Variants in GPR39 observed in about 807,000 individuals in gnomAD.
GPR39 encodes G protein-coupled receptor 39, also known as zinc sensing receptor.
GPR39 carries 23 observed loss-of-function variants against 18.4 expected under a neutral mutation model. That is an observed-to-expected ratio of 1.25 (90% confidence interval 0.90 to 1.77). GPR39 has a LOEUF of 1.77. Among genes scored for constraint, GPR39 ranks in the 40% most tolerant of loss-of-function variants. The pLI is 0.00. For synonymous variants in GPR39, 280 were observed against 257.9 expected (o/e 1.09, Z -0.82); for missense variants, 647 against 602.4 (o/e 1.07, Z -0.78).
intron 1 of GPR39, among the ~76,000 whole-genome samples, chr2:132,441,946 G>T (rs1219905837): frequency 1.3e-5 from 2 of 152,144 alleles, no homozygotes; most frequent in African/African-American, 4.8e-5. Context: ...AGTTCCTATG[G>T]TGTGTGTTCC....
intron 1 of GPR39, among the ~76,000 whole-genome samples, chr2:132,598,086 C>A (rs1326890124): frequency 1.3e-5 from 2 of 152,218 alleles, no homozygotes. Context: ...GCTGGCTTCT[C>A]AAAGCAAGGG....
At chr2:132,501,054 GTTTTTTT>G in intron 1 of GPR39, among the ~76,000 whole-genome samples, 1 of 90,296 alleles carries the variant, frequency 1.1e-5, no homozygotes, top group African/African-American at 4.1e-5. Flanking sequence ...TATCTTTTGT[GTTTTTTT>G]TTTTTTTTTT....
At chr2:132,624,470 TA>T (rs1314901377) in intron 1 of GPR39, among the ~76,000 whole-genome samples, 2 of 152,374 alleles carry the variant, frequency 1.3e-5, no homozygotes, top group East Asian at 1.9e-4. Context: ...TTGAACTTTT[TA>T]TTAAAGTTTA....
At chr2:132,458,192 G>A (rs1178947923) in intron 1 of GPR39, among the ~76,000 whole-genome samples, 1 of 152,178 alleles carries the variant, frequency 6.6e-6, no homozygotes, top group African/African-American at 2.4e-5. Context: ...TGGAAGTGCA[G>A]AAATCACCTG....
intron 1 of GPR39, among the ~76,000 whole-genome samples, chr2:132,591,253 G>A (rs1251340317): frequency 9.9e-5 from 9 of 90,628 alleles, no homozygotes; most frequent in Admixed American, 1.6e-4. Context: ...GCGAGACTCC[G>A]TCTCAAAAAA....
At position 132,584,436 on chromosome 2, in the gene GPR39, T is replaced by C. The variant is rs1010790162; in HGVS notation, c.857-60665T>C. On this transcript the variant is annotated intron_variant, in intron 1 of 1. Transcript: ENST00000329321. ...ATATTCAGAACAAAGAGGAAGCTTC[T>C]GAAGCCAGAAATGGTACAGTCACTC... 2.0e-5 allele frequency among the ~76,000 whole-genome samples: 3 copies of C among 152,126 alleles called. No homozygotes were observed. The East Asian group carries it at 5.8e-4, about 29-fold the overall frequency.
At chr2:132,516,378 T>C (rs1181594278) in intron 1 of GPR39, among the ~76,000 whole-genome samples, 2 of 152,112 alleles carry the variant, frequency 1.3e-5, no homozygotes, top group East Asian at 1.9e-4. Flanking sequence ...GTCCACAATA[T>C]GGAATATGCA....
At chr2:132,551,137 TCAAC>T (rs1680035515) in intron 1 of GPR39, among the ~76,000 whole-genome samples, 3 of 152,222 alleles carry the variant, frequency 2.0e-5, no homozygotes, top group Non-Finnish European at 4.4e-5. Flanking sequence ...GTTCAGCAGC[TCAAC>T]GATGTTAGAG....
At chr2:132,474,544 C>G (rs866111238) in intron 1 of GPR39, among the ~76,000 whole-genome samples, 6 of 152,212 alleles carry the variant, frequency 3.9e-5, no homozygotes, top group African/African-American at 1.4e-4. Context: ...TTCAGCTCAC[C>G]AGCTTGTGCA....
At chr2:132,486,020 T>C (rs1220865662) in intron 1 of GPR39, among the ~76,000 whole-genome samples, 2 of 152,236 alleles carry the variant, frequency 1.3e-5, no homozygotes, top group African/African-American at 4.8e-5. Flanking sequence ...TACTCTTTGA[T>C]CCATGGGCTG....
At chr2:132,612,283 T>C (rs1363243168) in intron 1 of GPR39, among the ~76,000 whole-genome samples, 1 of 152,188 alleles carries the variant, frequency 6.6e-6, no homozygotes, top group Non-Finnish European at 1.5e-5. Flanking sequence ...GTTTCTGCTC[T>C]TTTGACACCC....
At chr2:132,620,988 A>G (rs967580353) in intron 1 of GPR39, among the ~76,000 whole-genome samples, 2 of 152,116 alleles carry the variant, frequency 1.3e-5, no homozygotes, top group African/African-American at 4.8e-5. Flanking sequence ...ACCTGACCTC[A>G]TAATCCACCC....
intron 1 of GPR39, among the ~76,000 whole-genome samples, chr2:132,426,423 G>C (rs6721950): frequency 7.2e-5 from 11 of 152,102 alleles, no homozygotes; most frequent in Middle Eastern, 3.4e-3. Flanking sequence ...GCTCTATTTC[G>C]TCATAGCCTG....
chr2:132,530,776 T>A (rs1329819240), intron 1 of GPR39, among the ~76,000 whole-genome samples: 1 of 152,094 alleles, frequency 6.6e-6, no homozygotes, highest in Non-Finnish European at 1.5e-5. Context: ...GAAGGAGAAA[T>A]AAAATCCTTT....
intron 1 of GPR39, among the ~76,000 whole-genome samples, chr2:132,432,441 A>C (rs1680240434): frequency 6.6e-6 from 1 of 152,190 alleles, no homozygotes; most frequent in Non-Finnish European, 1.5e-5. Context: ...GGACACAAAA[A>C]TTCAGACCAT....
chr2:132,526,140 A>G (rs868766319), intron 1 of GPR39, among the ~76,000 whole-genome samples: 2 of 152,168 alleles, frequency 1.3e-5, no homozygotes, highest in South Asian at 2.1e-4. Context: ...CTGAGTGTGA[A>G]AATCCATGCC....
At chr2:132,429,225 G>A (rs548634232) in intron 1 of GPR39, among the ~76,000 whole-genome samples, 1 of 152,316 alleles carries the variant, frequency 6.6e-6, no homozygotes, top group African/African-American at 2.4e-5. Flanking sequence ...GGCATGTTTT[G>A]CAGTCCACGT....
chr2:132,428,956 G>A (rs1370115163), intron 1 of GPR39, among the ~76,000 whole-genome samples: 1 of 152,214 alleles, frequency 6.6e-6, no homozygotes, highest in Non-Finnish European at 1.5e-5. Flanking sequence ...CCTTTCTCAT[G>A]TTGTGTCAAA....
intron 1 of GPR39, among the ~76,000 whole-genome samples, chr2:132,619,010 A>G (rs1454723067): frequency 3.9e-5 from 6 of 152,130 alleles, no homozygotes; most frequent in Non-Finnish European, 7.4e-5. Context: ...CCGAGGACGG[A>G]CCCAGTAGCA....
Sources: gnomAD v4.1 joint callset for allele counts (sites outside exome capture counted in the v4.1 genomes callset) on GRCh38, gnomAD v4.1.1 for gene constraint, MANE v1.5 for transcripts, NCBI Gene and HGNC (gene_info 2026-07-23, HGNC 2026-07-21) for gene names.